Variants in LINGO2 observed in about 807,000 individuals in gnomAD.
The protein encoded by LINGO2 is leucine-rich repeat and immunoglobulin-like domain-containing nogo receptor-interacting protein 2.
Under a neutral mutation model 30.6 loss-of-function variants are expected in LINGO2, and 14 were observed. The ratio of observed to expected loss-of-function variants is 0.46; its 90% confidence interval spans 0.30 to 0.72. The LOEUF (loss-of-function observed/expected upper bound fraction) is 0.72, where lower values mean the gene tolerates loss of function less well. LINGO2 is among the 30% of genes least tolerant of loss of function. The pLI is 0.07. For missense variants in LINGO2, 729 were observed against 751.7 expected, an observed-to-expected ratio of 0.97 and a Z score of 0.35; for synonymous variants, 317 against 288.5, an observed-to-expected ratio of 1.10 and a Z score of -1.00.
intron 4 of LINGO2, among the ~76,000 whole-genome samples, chr9:28,017,401 C>G (rs773748134): frequency 2.0e-5 from 3 of 152,160 alleles, no homozygotes; most frequent in Non-Finnish European, 4.4e-5. Flanking sequence ...ATCAAAGTAT[C>G]TCTGTTTGCA....
chr9:29,101,869 T>C, the LINGO2 span, among the ~76,000 whole-genome samples: 73 of 152,294 alleles, frequency 4.8e-4, no homozygotes, highest in Non-Finnish European at 7.9e-4. Context: ...CTGCAATGAA[T>C]GTGGGAGTGC....
chr9:28,056,564 A>G (rs1824948718), intron 4 of LINGO2, among the ~76,000 whole-genome samples: 1 of 152,142 alleles, frequency 6.6e-6, no homozygotes, highest in African/African-American at 2.4e-5. Context: ...TCAGACCTGA[A>G]TACAGCACCC....
At position 28,228,375 on chromosome 9, in the gene LINGO2, G is replaced by A. The variant is rs550000055; in HGVS notation, c.-87+66833C>T. ...CTTTTCATCTTAGTTTTGCCCTGTG[G>A]AATTGTACGAACTAAATCAGATCCA... On this transcript the variant is annotated intron_variant, in intron 4 of 5. Transcript: ENST00000379992. Among the ~76,000 whole-genome samples, 10 of 152,070 alleles carry A rather than the reference G, an allele frequency of 6.6e-5. No homozygotes were observed. The South Asian group carries it at 2.1e-3, about 32-fold the overall frequency.
At chr9:28,773,818 T>C in the LINGO2 span, among the ~76,000 whole-genome samples, 1 of 152,124 alleles carries the variant, frequency 6.6e-6, no homozygotes, top group Admixed American at 6.6e-5. Flanking sequence ...AAAACTCCTT[T>C]AAATGTGGAT....
the LINGO2 span, among the ~76,000 whole-genome samples, chr9:29,070,312 A>T: frequency 3.9e-5 from 6 of 152,114 alleles, no homozygotes; most frequent in African/African-American, 1.4e-4. Flanking sequence ...ATCAGGGAAC[A>T]ATATCATGAC....
intron 1 of LINGO2, among the ~76,000 whole-genome samples, chr9:28,590,170 C>A (rs1282425805): frequency 1.3e-5 from 2 of 151,868 alleles, no homozygotes; most frequent in South Asian, 2.1e-4. Flanking sequence ...TGGATTAAAG[C>A]CTTACATGTT....
At chr9:28,108,792 C>A (rs1826675619) in intron 4 of LINGO2, among the ~76,000 whole-genome samples, 1 of 152,052 alleles carries the variant, frequency 6.6e-6, no homozygotes, top group African/African-American at 2.4e-5. Flanking sequence ...AATACATCTA[C>A]CCTGAGAGAT....
intron 4 of LINGO2, among the ~76,000 whole-genome samples, chr9:28,105,571 C>G (rs540078460): frequency 5.1e-4 from 78 of 152,190 alleles, no homozygotes; most frequent in Non-Finnish European, 1.0e-3. Flanking sequence ...GAACTGTGTT[C>G]CCCCCAAATT....
At chr9:29,047,071 C>CA in the LINGO2 span, among the ~76,000 whole-genome samples, 2 of 30,922 alleles carry the variant, frequency 6.5e-5, no homozygotes, top group African/African-American at 1.9e-4. Context: ...AACAAACAAA[C>CA]AAAAAAACCA....
the LINGO2 span, among the ~76,000 whole-genome samples, chr9:28,695,978 T>G: frequency 6.6e-6 from 1 of 151,930 alleles, no homozygotes; most frequent in Non-Finnish European, 1.5e-5. Flanking sequence ...CATATTGTGA[T>G]TTCCTAAAAA....
chr9:28,506,435 C>A (rs1411135573), intron 1 of LINGO2, among the ~76,000 whole-genome samples: 1 of 101,416 alleles, frequency 9.9e-6, no homozygotes, highest in East Asian at 2.8e-4. Flanking sequence ...CACACACACA[C>A]ACACACACAC....
the LINGO2 span, chr9:27,941,035 A>ACCTTAATATCCATCAAAAGAGGATGGAT: frequency 6.6e-6 from 1 of 152,060 alleles, no homozygotes; most frequent in Admixed American, 6.6e-5. Context: ...TACTAGCATA[A>ACCTTAATATCCATCAAAAGAGGATGGAT]AATAAAAGCC....
chr9:28,310,258 G>T (rs142445254), intron 3 of LINGO2, among the ~76,000 whole-genome samples: 4,748 of 151,980 alleles, frequency 0.031, 143 homozygotes, highest in South Asian at 0.094. Context: ...AAACTTTTTT[G>T]GCAGTTTTCC....
At chr9:28,628,053 G>C (rs1441097142) in intron 1 of LINGO2, among the ~76,000 whole-genome samples, 1 of 151,890 alleles carries the variant, frequency 6.6e-6, no homozygotes, top group African/African-American at 2.4e-5. Flanking sequence ...CTGTAGCATA[G>C]TTTTTATTTG....
At chr9:27,985,855 A>G (rs932506890) in intron 5 of LINGO2, among the ~76,000 whole-genome samples, 1 of 151,850 alleles carries the variant, frequency 6.6e-6, no homozygotes, top group Non-Finnish European at 1.5e-5. Context: ...TGAAAATTGC[A>G]ATGGTGAGAG....
chr9:28,045,814 A>T (rs1824394528), intron 4 of LINGO2, among the ~76,000 whole-genome samples: 1 of 152,216 alleles, frequency 6.6e-6, no homozygotes. Flanking sequence ...ACATATGGGT[A>T]AGCGGCAAGG....
intron 2 of LINGO2, among the ~76,000 whole-genome samples, chr9:28,428,380 T>G (rs1336133979): frequency 6.6e-6 from 1 of 152,182 alleles, no homozygotes; most frequent in Non-Finnish European, 1.5e-5. Flanking sequence ...ATCCTCTGGC[T>G]GACGAAGCAG....
At chr9:28,193,278 C>T (rs1819886176) in intron 4 of LINGO2, among the ~76,000 whole-genome samples, 1 of 152,048 alleles carries the variant, frequency 6.6e-6, no homozygotes, top group South Asian at 2.1e-4. Context: ...TTTCATTTTC[C>T]ATGTTATTTT....
the LINGO2 span, among the ~76,000 whole-genome samples, chr9:28,809,720 C>T: frequency 4.8e-5 from 6 of 125,942 alleles, no homozygotes; most frequent in Admixed American, 2.9e-4. Context: ...TACTCCAGCC[C>T]GGGTGACAGG....
Sources: gnomAD v4.1 joint callset for allele counts (sites outside exome capture counted in the v4.1 genomes callset) on GRCh38, gnomAD v4.1.1 for gene constraint, MANE v1.5 for transcripts, NCBI Gene and HGNC (gene_info 2026-07-23, HGNC 2026-07-21) for gene names.